ADAMTS17: variants seen among roughly 807,000 people sequenced by gnomAD.
ADAMTS17 encodes ADAM metallopeptidase with thrombospondin type 1 motif 17, also known as A disintegrin and metalloproteinase with thrombospondin motifs 17.
A neutral mutation model predicts 141.5 loss-of-function variants in ADAMTS17; 113 were observed. That is an observed-to-expected ratio of 0.80 (90% CI 0.69 to 0.93). ADAMTS17 has a LOEUF of 0.93. Among genes scored for constraint, ADAMTS17 ranks in the 40% least tolerant of loss-of-function variants. The pLI is 0.00. For synonymous variants in ADAMTS17, 768 were observed against 630.6 expected, an observed-to-expected ratio of 1.22 and a Z score of -3.27; for missense variants, 1,659 against 1,517.9, an observed-to-expected ratio of 1.09 and a Z score of -1.54.
intron 8 of ADAMTS17, among the ~76,000 whole-genome samples, chr15:100,194,345 G>A (rs1385014446): frequency 6.6e-6 from 1 of 152,128 alleles, no homozygotes; most frequent in Non-Finnish European, 1.5e-5. Flanking sequence ...ACCTCCCCTG[G>A]ACCTAGCTGC....
chr15:99,972,142 T>G lies in ADAMTS17; in HGVS notation c.*2260A>C, dbSNP rs2060222272. On this transcript the variant is annotated 3_prime_UTR_variant, in exon 22 of 22. Transcript: ENST00000268070. ...GGTGGGCGCCTGTAGTCCCAGCTAC[T>G]GGGGAGGGTGAGGCAGAAGAATGGC... is the stretch of plus-strand genomic sequence containing the variant. 6.6e-6 allele frequency: 1 copy of G among 152,262 alleles called. No individual in the cohort carries two copies. The highest frequency in any genetic ancestry group is 1.5e-5 in the Non-Finnish European group (1 of 68,138). The allele number at this position is 152,262 out of a possible 1,614,324, so 9.4% of individuals were successfully genotyped here. A position where few individuals can be genotyped will look rare whatever the true frequency, so the allele number is the denominator to read the frequency against.
intron 11 of ADAMTS17, among the ~76,000 whole-genome samples, chr15:100,132,839 A>C (rs1426527111): frequency 6.6e-6 from 1 of 152,156 alleles, no homozygotes; most frequent in Non-Finnish European, 1.5e-5. Context: ...TTCTCTCAAC[A>C]TTTAGCTAGA....
chr15:100,266,081 C>G (rs1017099150), intron 4 of ADAMTS17, among the ~76,000 whole-genome samples: 7 of 152,204 alleles, frequency 4.6e-5, no homozygotes, highest in African/African-American at 1.7e-4. Context: ...CCAAACAGAA[C>G]TTGCCTGGAA....
chr15:100,143,710 T>A (rs1409296596), intron 10 of ADAMTS17, among the ~76,000 whole-genome samples: 1 of 152,226 alleles, frequency 6.6e-6, no homozygotes, highest in African/African-American at 2.4e-5. Context: ...TCCAGAGTCC[T>A]AAGAATTAAT....
intron 20 of ADAMTS17, chr15:99,978,862 G>C (rs1450097543): frequency 6.6e-6 from 1 of 152,196 alleles, no homozygotes; most frequent in African/African-American, 2.4e-5. Flanking sequence ...AGCTCTCCAA[G>C]TGCTTGCAGT....
intron 9 of ADAMTS17, among the ~76,000 whole-genome samples, 157 bp from the exon 10 acceptor site, chr15:100,152,919 T>C (rs982237812): frequency 6.6e-5 from 2 of 30,224 alleles, no homozygotes; most frequent in Admixed American, 4.2e-4. Flanking sequence ...CAGACTGCGC[T>C]TTTTTGCTGT....
intron 18 of ADAMTS17, among the ~76,000 whole-genome samples, chr15:100,030,391 G>C (rs1391175729): frequency 6.6e-6 from 1 of 152,128 alleles, no homozygotes; most frequent in Non-Finnish European, 1.5e-5. Context: ...CCAAATACAG[G>C]TTAGCAGACA....
intron 18 of ADAMTS17, among the ~76,000 whole-genome samples, chr15:100,020,054 C>T (rs11631646): frequency 0.7 from 106,625 of 151,734 alleles, 37,917 homozygotes; most frequent in Non-Finnish European, 0.77. Context: ...AGGACAGCAG[C>T]CGGAATCGTA....
chr15:100,038,070 C>T (rs1596280036), intron 18 of ADAMTS17, among the ~76,000 whole-genome samples: 1 of 152,210 alleles, frequency 6.6e-6, no homozygotes, highest in East Asian at 1.9e-4. Context: ...CCTCCAACTG[C>T]ATTCTCTTGC....
chr15:100,153,332 G>C (rs1025887728), intron 9 of ADAMTS17, among the ~76,000 whole-genome samples: 3 of 152,090 alleles, frequency 2.0e-5, no homozygotes, highest in Admixed American at 6.5e-5. Context: ...CACAGTGAGA[G>C]GCGCGTCTCT....
At chr15:100,339,376 C>T (rs1008988812) in intron 2 of ADAMTS17, among the ~76,000 whole-genome samples, 5 of 152,182 alleles carry the variant, frequency 3.3e-5, no homozygotes, top group African/African-American at 9.7e-5. Context: ...CTCACTAAAC[C>T]GCAGCAAATG....
At chr15:100,083,173 T>C (rs2034868625) in intron 15 of ADAMTS17, among the ~76,000 whole-genome samples, 1 of 152,172 alleles carries the variant, frequency 6.6e-6, no homozygotes, top group African/African-American at 2.4e-5. Flanking sequence ...CAGGGCCTGG[T>C]TTGCCATACT....
chr15:99,977,187 G>A (rs975700824), intron 20 of ADAMTS17, among the ~76,000 whole-genome samples: 13 of 150,898 alleles, frequency 8.6e-5, no homozygotes, highest in African/African-American at 2.2e-4. Context: ...TGTGGCTGAC[G>A]GTGTTGATTT....
chr15:100,167,112 AT>A (rs955220430), intron 8 of ADAMTS17, among the ~76,000 whole-genome samples: 2 of 152,246 alleles, frequency 1.3e-5, no homozygotes, highest in African/African-American at 4.8e-5. Flanking sequence ...ATTAAGAGAA[AT>A]TTAAATAGGC....
chr15:100,182,120 C>T (rs113908646), intron 8 of ADAMTS17, among the ~76,000 whole-genome samples: 2,402 of 152,256 alleles, frequency 0.016, 75 homozygotes, highest in African/African-American at 0.055. Context: ...ATACCCGAGT[C>T]TGGGTAATTT....
intron 7 of ADAMTS17, among the ~76,000 whole-genome samples, chr15:100,207,918 A>G (rs1487383259): frequency 1.3e-5 from 2 of 152,144 alleles, no homozygotes; most frequent in African/African-American, 4.8e-5. Context: ...GCCCTAGGAG[A>G]TGTTCTAAAA....
intron 7 of ADAMTS17, among the ~76,000 whole-genome samples, chr15:100,244,359 G>T (rs901801972): frequency 7.0e-6 from 1 of 143,088 alleles, no homozygotes; most frequent in African/African-American, 2.6e-5. Flanking sequence ...TCGAATGCAG[G>T]TTTAACTGCA....
At chr15:100,184,036 TTGCTGCTGC>T (rs530347722) in intron 8 of ADAMTS17, among the ~76,000 whole-genome samples, 1 of 152,100 alleles carries the variant, frequency 6.6e-6, no homozygotes. Flanking sequence ...AGGGGTTTCA[TTGCTGCTGC>T]TGCTGCTGCT....
chr15:100,201,452 T>C (rs1473491006), intron 7 of ADAMTS17, among the ~76,000 whole-genome samples: 3 of 152,208 alleles, frequency 2.0e-5, no homozygotes, highest in Admixed American at 2.0e-4. Flanking sequence ...ATTAAACCTC[T>C]TTCCTTTATA....
Sources: allele counts gnomAD v4.1 joint callset (sites outside exome capture counted in the v4.1 genomes callset), GRCh38; gene constraint gnomAD v4.1.1; transcripts MANE v1.5; gene names NCBI Gene and HGNC (gene_info 2026-07-23, HGNC 2026-07-21).